TULP4: variants seen among roughly 807,000 people sequenced by gnomAD.
TULP4 encodes the protein TUB like protein 4.
Under a neutral mutation model 129.0 loss-of-function variants are expected in TULP4, and 16 were observed. The ratio of observed to expected loss-of-function variants is 0.12; its 90% CI spans 0.08 to 0.19. The LOEUF (loss-of-function observed/expected upper bound fraction) is 0.19. TULP4 is among the 10% of genes least tolerant of loss of function. The pLI is 1.00. For missense variants in TULP4, 1,842 were observed against 2,059.1 expected (o/e 0.89, Z 2.04); for synonymous variants, 998 against 854.0 (o/e 1.17, Z -2.94).
chr6:158,366,186 G>A (rs551703224), intron 1 of TULP4, among the ~76,000 whole-genome samples: 27 of 151,732 alleles, frequency 1.8e-4, no homozygotes, highest in Admixed American at 5.9e-4. Flanking sequence ...TACAGGCATG[G>A]GCCACCGCGC....
Position 158,503,373 on chromosome 6 carries a change from A to T in TULP4, c.3710A>T (p.Tyr1237Phe). 1 of 1,613,626 alleles carries T rather than the reference A, an allele frequency of 6.2e-7. No individual in the cohort carries two copies. The highest frequency in any genetic ancestry group is 2.2e-5 in the East Asian group (1 of 44,856). ...LQPLYPPSLS[Y>F]CTLPPMYPGS... ...CCGCTGTACCCACCCAGCCTCTCCTATTGCACCCTGCCCCCCATGTACCCA... is the reference window on the plus strand; with the variant it reads ...CCGCTGTACCCACCCAGCCTCTCCTTTTGCACCCTGCCCCCCATGTACCCA... The change falls in exon 13 of 14, where the codon TAT becomes TTT. Residue 1237 changes from tyrosine (Y) to phenylalanine (F), a missense_variant. Physicochemically the swap from Tyr to Phe is conservative, Grantham distance 22. Around this residue, in one of 5 missense-constraint regions of TULP4, gnomAD observed 1,089 missense variants for 987.1 expected, o/e 1.10. Coordinates refer to ENST00000367097, the MANE Select transcript of TULP4 (RefSeq NM_020245.5). This position sits in a 1 kb window ranked among gnomAD's most constrained non-coding sequence, Gnocchi z 4.3.
intron 1 of TULP4, among the ~76,000 whole-genome samples, chr6:158,365,017 G>A (rs1000812630): frequency 1.3e-5 from 2 of 151,898 alleles, no homozygotes; most frequent in African/African-American, 4.8e-5. Flanking sequence ...TTACAGGCGT[G>A]AGCCACCGCG....
chr6:158,248,396 A>G (rs762585327), intron 1 of TULP4, among the ~76,000 whole-genome samples: 3 of 151,962 alleles, frequency 2.0e-5, no homozygotes, highest in Non-Finnish European at 4.4e-5. Flanking sequence ...CAGCCTCCCA[A>G]GTAGCTGGGA....
chr6:158,461,281 C>T (rs62438581), intron 5 of TULP4, among the ~76,000 whole-genome samples: 9 of 151,982 alleles, frequency 5.9e-5, no homozygotes, highest in African/African-American at 1.4e-4. Context: ...TGTGGTGGCA[C>T]GCGCCCGTAG....
chr6:158,444,019 A>G (rs550069690), intron 3 of TULP4, among the ~76,000 whole-genome samples: 21 of 151,770 alleles, frequency 1.4e-4, no homozygotes, highest in South Asian at 4.1e-4. Context: ...GGAGATTGAG[A>G]CCATCCTGGC....
At chr6:158,427,266 G>A (rs936320821) in intron 2 of TULP4, among the ~76,000 whole-genome samples, 1 of 152,110 alleles carries the variant, frequency 6.6e-6, no homozygotes, top group Non-Finnish European at 1.5e-5. Flanking sequence ...CAAAATTCTA[G>A]AATGAACAAC....
At chr6:158,291,753 G>T in intron 1 of TULP4, among the ~76,000 whole-genome samples, 1 of 151,396 alleles carries the variant, frequency 6.6e-6, no homozygotes, top group Non-Finnish European at 1.5e-5. Flanking sequence ...AAAAAAATTG[G>T]GTAATTTCTT....
At chr6:158,364,627 CTAAT>C (rs1780881478) in intron 1 of TULP4, among the ~76,000 whole-genome samples, 1 of 152,184 alleles carries the variant, frequency 6.6e-6, no homozygotes, top group South Asian at 2.1e-4. Flanking sequence ...TGCTGCCAGT[CTAAT>C]TATCATTCCC....
At chr6:158,255,874 G>A (rs1041676197) in intron 1 of TULP4, among the ~76,000 whole-genome samples, 1 of 152,214 alleles carries the variant, frequency 6.6e-6, no homozygotes, top group South Asian at 2.1e-4. Context: ...AGGGTATAAA[G>A]GCAGAATTGA....
intron 1 of TULP4, among the ~76,000 whole-genome samples, chr6:158,249,805 A>C (rs1278964156): frequency 6.6e-6 from 1 of 152,212 alleles, no homozygotes; most frequent in Non-Finnish European, 1.5e-5. Flanking sequence ...TTACATTGCT[A>C]TATGGAATAT....
intron 1 of TULP4, among the ~76,000 whole-genome samples, chr6:158,262,817 T>C (rs568106907): frequency 1.3e-5 from 2 of 152,082 alleles, no homozygotes; most frequent in African/African-American, 2.4e-5. Flanking sequence ...TTTTCAGGAG[T>C]GCAGCCGGTT....
intron 1 of TULP4, among the ~76,000 whole-genome samples, chr6:158,316,498 C>T (rs1365293537): frequency 6.6e-6 from 1 of 152,086 alleles, no homozygotes; most frequent in East Asian, 1.9e-4. Context: ...TGGTTTTATG[C>T]AAGAAATTAT....
intron 5 of TULP4, among the ~76,000 whole-genome samples, chr6:158,461,360 G>A (rs887906110): frequency 2.0e-5 from 3 of 150,342 alleles, no homozygotes; most frequent in African/African-American, 7.4e-5. Flanking sequence ...GCAGTGAGCC[G>A]AGATCACGCC....
At chr6:158,500,614 T>A (rs896685487) in intron 12 of TULP4, among the ~76,000 whole-genome samples, 1 of 152,194 alleles carries the variant, frequency 6.6e-6, no homozygotes, top group Non-Finnish European at 1.5e-5. Flanking sequence ...AGTGGGCACT[T>A]TAAACAGGGT....
intron 1 of TULP4, among the ~76,000 whole-genome samples, chr6:158,376,403 C>T (rs565278018): frequency 2.0e-5 from 3 of 152,246 alleles, no homozygotes; most frequent in East Asian, 3.9e-4. Context: ...TCTTTGTGGC[C>T]GATCCACGTG....
chr6:158,424,689 T>C (rs1295624695), intron 2 of TULP4, among the ~76,000 whole-genome samples: 1 of 152,204 alleles, frequency 6.6e-6, no homozygotes, highest in Non-Finnish European at 1.5e-5. Context: ...AATGTAATTT[T>C]TTTCCAATTT....
rs117859807 is a variant in TULP4 at position 158,413,428 on chromosome 6, A to C, written c.381+235A>C. Among the ~76,000 whole-genome samples the C allele has an allele frequency of 1.3e-5, 2 of 152,132 alleles. No individual in the cohort carries two copies. The highest frequency in any genetic ancestry group is 2.9e-5 in the Non-Finnish European group (2 of 68,014). ...ATGCTGCTGTTGTGAGAACTCTCCA[A>C]CTTTCAAACTTTAATCAGATCTGTG... On this transcript the variant is annotated intron_variant, in intron 2 of 13. Transcript: ENST00000367097. This position sits in a 1 kb window ranked among gnomAD's most constrained non-coding sequence, Gnocchi z 4.9.
chr6:158,239,570 G>C (rs1159698731), intron 1 of TULP4, among the ~76,000 whole-genome samples: 7 of 51,422 alleles, frequency 1.4e-4, no homozygotes, highest in South Asian at 7.2e-4. Flanking sequence ...CGGACGGGGC[G>C]GCTGGCCGGG....
rs2128263841 is a variant in TULP4 at position 158,502,549 on chromosome 6, T to C, written c.2886T>C (p.Pro962=). 1 of 1,608,614 alleles carries C rather than the reference T, an allele frequency of 6.2e-7. No homozygotes were observed. ...CCACCGGGGACCCACCCCCGTATCCTGAAATTGCCAGCCAGCTGGCCCAGG... is the reference window on the plus strand; with the variant it reads ...CCACCGGGGACCCACCCCCGTATCCCGAAATTGCCAGCCAGCTGGCCCAGG... The part of the protein sequence containing the change: ...SIPTGDPPPY[P]EIASQLAQGR... The change falls in exon 13 of 14, where the codon CCT becomes CCC. Residue 962 remains proline, a synonymous_variant. Transcript: ENST00000367097.
Sources: gnomAD v4.1 joint callset for allele counts (sites outside exome capture counted in the v4.1 genomes callset) on GRCh38, gnomAD v4.1.1 for gene constraint, gnomAD v4.1.1 regional missense constraint, Gnocchi (gnomAD v3.1) non-coding constraint, MANE v1.5 for transcripts, NCBI Gene and HGNC (gene_info 2026-07-23, HGNC 2026-07-21) for gene names.